TBC1D1: variants seen among roughly 807,000 people sequenced by gnomAD.
The protein encoded by TBC1D1 is TBC1 (tre-2/USP6, BUB2, cdc16) domain family, member 1.
In TBC1D1, 89 loss-of-function variants were observed where a neutral mutation model predicts 125.6. The observed-to-expected ratio is 0.71, with a 90% CI of 0.60 to 0.85. The LOEUF is 0.85. Among genes scored for constraint, TBC1D1 ranks in the 40% least tolerant of loss-of-function variants. TBC1D1 has a pLI of 0.00. For synonymous variants in TBC1D1, 565 were observed against 564.1 expected (o/e 1.00, Z -0.02); for missense variants, 1,377 against 1,469.2 (o/e 0.94, Z 1.03).
intron 14 of TBC1D1, among the ~76,000 whole-genome samples, chr4:38,098,332 A>T (rs1759722623): frequency 6.6e-6 from 1 of 152,242 alleles, no homozygotes; most frequent in Non-Finnish European, 1.5e-5. Flanking sequence ...TGCCTAGATG[A>T]TCACCTTCAG....
At chr4:37,990,518 TAATC>T (rs1338001400) in intron 2 of TBC1D1, among the ~76,000 whole-genome samples, 2 of 152,320 alleles carry the variant, frequency 1.3e-5, no homozygotes, top group East Asian at 3.9e-4. Context: ...TACTGATTAT[TAATC>T]AATTAATTGT....
chr4:38,101,893 A>T (rs1428045140), intron 14 of TBC1D1, among the ~76,000 whole-genome samples: 1 of 152,002 alleles, frequency 6.6e-6, no homozygotes, highest in African/African-American at 2.4e-5. Context: ...TCTCTCTTGT[A>T]CTTTTCTCTT....
intron 2 of TBC1D1, among the ~76,000 whole-genome samples, chr4:37,930,716 G>A (rs924376478): frequency 2.6e-5 from 4 of 152,160 alleles, no homozygotes; most frequent in African/African-American, 9.7e-5. Context: ...TAGAAGGACT[G>A]TAACACTTTT....
At chr4:38,085,478 C>T (rs574008071) in intron 12 of TBC1D1, among the ~76,000 whole-genome samples, 6 of 152,294 alleles carry the variant, frequency 3.9e-5, no homozygotes, top group Admixed American at 6.5e-5. Context: ...GTTGGGCAGT[C>T]GGCGGTGAAT....
At chr4:38,012,335 C>T (rs57426850) in intron 2 of TBC1D1, among the ~76,000 whole-genome samples, 19,632 of 152,150 alleles carry the variant, frequency 0.13, 1,775 homozygotes, top group East Asian at 0.44. Flanking sequence ...GGCTGGAGTG[C>T]AGTGGTACTG....
intron 2 of TBC1D1, among the ~76,000 whole-genome samples, chr4:37,998,757 A>T (rs966450117): frequency 6.6e-6 from 1 of 152,192 alleles, no homozygotes; most frequent in Admixed American, 6.5e-5. Context: ...ATTAAATGAG[A>T]TGTAATCCAC....
intron 11 of TBC1D1, among the ~76,000 whole-genome samples, chr4:38,053,942 A>G (rs1751194042): frequency 6.6e-6 from 1 of 152,184 alleles, no homozygotes; most frequent in South Asian, 2.1e-4. Flanking sequence ...GATATGTGGA[A>G]CATGTTTCTT....
At chr4:37,913,605 AT>A (rs200522088) in intron 2 of TBC1D1, among the ~76,000 whole-genome samples, 2,627 of 135,130 alleles carry the variant, frequency 0.019, 78 homozygotes, top group African/African-American at 0.068. Context: ...ATCTCAAAAA[AT>A]AAATATATAT....
At chr4:37,919,877 C>A (rs1180860588) in intron 2 of TBC1D1, among the ~76,000 whole-genome samples, 1 of 152,108 alleles carries the variant, frequency 6.6e-6, no homozygotes, top group African/African-American at 2.4e-5. Context: ...CTTTGGGAGG[C>A]CGAGGGGGGC....
intron 2 of TBC1D1, among the ~76,000 whole-genome samples, chr4:37,920,815 A>G (rs1720784611): frequency 6.6e-6 from 1 of 152,086 alleles, no homozygotes; most frequent in South Asian, 2.1e-4. Context: ...GAGTTTTAAG[A>G]ATGGAGACAA....
At chr4:38,096,847 TAAAA>T (rs1759436079) in intron 14 of TBC1D1, among the ~76,000 whole-genome samples, 2 of 152,160 alleles carry the variant, frequency 1.3e-5, no homozygotes, top group African/African-American at 4.8e-5. Context: ...CTGTATCGTA[TAAAA>T]ATATCAGCCT....
rs1713137102 is a variant in TBC1D1 at position 37,891,213 on chromosome 4, C to T, written c.-229C>T. On this transcript the variant is annotated 5_prime_UTR_variant, in exon 1 of 20. Transcript: ENST00000261439. Reference sequence around the variant, plus strand: ...GCGCCGAGCCGAGGGGAGCCCCCTCCCCGTCCCCCCGCGGCGGGAAGAGCG... The same window carrying T: ...GCGCCGAGCCGAGGGGAGCCCCCTCTCCGTCCCCCCGCGGCGGGAAGAGCG... 6.5e-6 allele frequency: 1 copy of T among 152,956 alleles called. No homozygotes were observed. 9.5% of individuals were successfully genotyped at this position (152,956 alleles called of 1,614,324 possible). A position where few individuals can be genotyped will look rare whatever the true frequency, so the allele number is the denominator to read the frequency against.
intron 12 of TBC1D1, among the ~76,000 whole-genome samples, chr4:38,078,412 A>T (rs1023329965): frequency 1.3e-5 from 2 of 152,206 alleles, no homozygotes; most frequent in African/African-American, 2.4e-5. Context: ...GGGATGGGGT[A>T]GCTTGGAATC....
intron 15 of TBC1D1, among the ~76,000 whole-genome samples, chr4:38,111,238 C>T (rs1196400670): frequency 6.6e-6 from 1 of 152,190 alleles, no homozygotes; most frequent in Non-Finnish European, 1.5e-5. Context: ...CGTGACCTGC[C>T]TCTCCCTCTT....
In TBC1D1 at chr4:37,994,407, A is replaced by G. The variant is rs139398199; in HGVS notation, c.418-20102A>G. Among the ~76,000 whole-genome samples the G allele has an allele frequency of 5.3e-4, 81 of 152,210 alleles. 1 individual carries two copies. The East Asian group carries it at 0.014, about 27-fold the overall frequency. On this transcript the variant is annotated intron_variant, in intron 2 of 19. Transcript: ENST00000261439. ...CAGGCTCAAGTGATTCCCCTGCCTC[A>G]GCCTCCTAAATAGCTGAGACTATAG...
chr4:37,892,374 C>T (rs1713529435), intron 1 of TBC1D1, among the ~76,000 whole-genome samples: 1 of 151,976 alleles, frequency 6.6e-6, no homozygotes, highest in Non-Finnish European at 1.5e-5. Flanking sequence ...TATGACTGTG[C>T]CACCTCACTG....
intron 2 of TBC1D1, among the ~76,000 whole-genome samples, chr4:37,921,404 C>CAT (rs1304816552): frequency 1.4e-5 from 2 of 140,256 alleles, no homozygotes; most frequent in African/African-American, 2.6e-5. Context: ...ATACAAAATA[C>CAT]ATATATATAA....
chr4:37,979,069 G>A (rs563109575), intron 2 of TBC1D1, among the ~76,000 whole-genome samples: 1 of 152,114 alleles, frequency 6.6e-6, no homozygotes, highest in Non-Finnish European at 1.5e-5. Flanking sequence ...TAGAGATGGG[G>A]TTTTGTCATA....
At chr4:37,903,300 G>A (rs182350430) in intron 2 of TBC1D1, among the ~76,000 whole-genome samples, 12 of 152,296 alleles carry the variant, frequency 7.9e-5, no homozygotes, top group Non-Finnish European at 1.6e-4. Context: ...CTCTGGGCAG[G>A]ACTCATTTGA....
Sources: gnomAD v4.1 joint callset for allele counts (sites outside exome capture counted in the v4.1 genomes callset) on GRCh38, gnomAD v4.1.1 for gene constraint, MANE v1.5 for transcripts, NCBI Gene and HGNC (gene_info 2026-07-23, HGNC 2026-07-21) for gene names.